The following HAVCR1 variants were observed in gnomAD, a reference collection of about 807,000 sequenced individuals.
The protein encoded by HAVCR1 is hepatitis A virus cellular receptor 1.
In HAVCR1, 34 loss-of-function variants were observed where a neutral mutation model predicts 32.0. The observed-to-expected ratio is 1.06, with a 90% confidence interval of 0.81 to 1.42. The LOEUF (loss-of-function observed/expected upper bound fraction) is 1.42. Ranked by LOEUF, HAVCR1 falls within the 40% of genes most tolerant of loss-of-function variation. The pLI is 0.00. For synonymous variants in HAVCR1, 178 were observed against 170.3 expected (o/e 1.05, Z -0.35); for missense variants, 420 against 442.3 (o/e 0.95, Z 0.45).
chr5:157,044,709 A>G (rs1755271673), intron 5 of HAVCR1, among the ~76,000 whole-genome samples: 1 of 150,666 alleles, frequency 6.6e-6, no homozygotes, highest in African/African-American at 2.4e-5. Flanking sequence ...AGGAAGGAGA[A>G]AAGAAAGCCA....
intron 2 of HAVCR1, among the ~76,000 whole-genome samples, chr5:157,056,642 A>G (rs1477398989): frequency 2.0e-5 from 3 of 151,766 alleles, no homozygotes; most frequent in African/African-American, 4.8e-5. Flanking sequence ...GGCCTCCCAA[A>G]GTGCTGGGAT....
At chr5:157,044,615 GAGAAAGAAAGAA>G (rs1554090477) in intron 5 of HAVCR1, among the ~76,000 whole-genome samples, 1,173 of 52,556 alleles carry the variant, frequency 0.022, 29 homozygotes, top group Non-Finnish European at 0.036. Flanking sequence ...AAGAAAGAAA[GAGAAAGAAAGAA>G]AGAAAGAAAG....
chr5:157,029,929 G>T, intron 8 of HAVCR1, 88 bp from the exon 9 acceptor site: 1 of 1,041,156 alleles, frequency 9.6e-7, no homozygotes, highest in South Asian at 1.5e-5. Context: ...TTTATGATCA[G>T]GCAATATCAG....
At chr5:157,030,396 T>C (rs978696110) in intron 8 of HAVCR1, among the ~76,000 whole-genome samples, 17 of 152,232 alleles carry the variant, frequency 1.1e-4, no homozygotes, top group Non-Finnish European at 2.1e-4. Flanking sequence ...CTGGATGCAG[T>C]AGCTCATGCC....
At chr5:157,056,410 T>C (rs1328573329) in intron 2 of HAVCR1, among the ~76,000 whole-genome samples, 19 of 151,210 alleles carry the variant, frequency 1.3e-4, no homozygotes, top group Admixed American at 1.3e-3. Context: ...GACAGAGTCT[T>C]GCTCTGTCGC....
upstream of HAVCR1, among the ~76,000 whole-genome samples, chr5:157,063,754 T>C (rs1034934977): frequency 6.6e-6 from 1 of 151,604 alleles, no homozygotes; most frequent in Non-Finnish European, 1.5e-5. Flanking sequence ...AGGCACTGAG[T>C]TGCAATTTTA....
At chr5:157,031,875 G>C (rs1477283944) in intron 8 of HAVCR1, among the ~76,000 whole-genome samples, 1 of 151,964 alleles carries the variant, frequency 6.6e-6, no homozygotes, top group Non-Finnish European at 1.5e-5. Flanking sequence ...GTGCCTGCAA[G>C]GCTAGACAGC....
intron 6 of HAVCR1, among the ~76,000 whole-genome samples, chr5:157,042,328 G>C (rs1035816721): frequency 1.5e-4 from 23 of 151,100 alleles, no homozygotes; most frequent in Non-Finnish European, 2.8e-4. Context: ...TGTAGTCCCA[G>C]CTATTCGGGA....
intron 5 of HAVCR1, among the ~76,000 whole-genome samples, chr5:157,044,595 GAA>G (rs1491390453): frequency 1.5e-5 from 1 of 64,882 alleles, no homozygotes; most frequent in African/African-American, 1.3e-4. Context: ...AGGAAAGAAA[GAA>G]AGAAAGAAAG....
intron 7 of HAVCR1, among the ~76,000 whole-genome samples, chr5:157,036,433 C>A (rs1311537680): frequency 1.3e-5 from 2 of 152,144 alleles, no homozygotes; most frequent in African/African-American, 2.4e-5. Flanking sequence ...GAGCCACGAT[C>A]GTGCCATTGC....
intron 5 of HAVCR1, among the ~76,000 whole-genome samples, chr5:157,044,450 A>G (rs1434802099): frequency 1.6e-5 from 1 of 62,842 alleles, no homozygotes; most frequent in African/African-American, 7.7e-5. Flanking sequence ...AAAGAAAGAA[A>G]GAAAGAAAGA....
intron 5 of HAVCR1, among the ~76,000 whole-genome samples, chr5:157,046,000 T>TGTG (rs1491325864): frequency 2.0e-5 from 3 of 152,220 alleles, no homozygotes; most frequent in Non-Finnish European, 4.4e-5. Context: ...ACTGTTACGT[T>TGTG]GTGTTTTTAT....
At chr5:157,056,420 C>T (rs1057334763) in intron 2 of HAVCR1, among the ~76,000 whole-genome samples, 1 of 150,018 alleles carries the variant, frequency 6.7e-6, no homozygotes, top group African/African-American at 2.5e-5. Flanking sequence ...TGCTCTGTCG[C>T]CCAGGCTGGA....
In HAVCR1 at chr5:157,052,565, G is replaced by C. The variant is rs564537143; in HGVS notation, c.469C>G (p.Pro157Ala). ...STTVPTTTTV[P>A]MTTVPTTTVP... ...GTTGTCGTTGGAACAGTCGTCATTGGAACAGTCGTTGTCGTTGGAACAGTG... is the reference window on the plus strand; with the variant it reads ...GTTGTCGTTGGAACAGTCGTCATTGCAACAGTCGTTGTCGTTGGAACAGTG... Residue 157 changes from proline to alanine, a missense_variant, in exon 4 of 9, where the codon CCA becomes GCA. By Grantham distance (27) the Pro-to-Ala change is conservative (BLOSUM62 -1). Coordinates refer to ENST00000523175, the MANE Select transcript of HAVCR1 (RefSeq NM_001173393.3). The C allele has an allele frequency of 6.8e-6, 6 of 883,154 alleles. No homozygotes were observed. Among genetic ancestry groups the C allele is most frequent in the Non-Finnish European group, 1.0e-5 (6 of 579,448 alleles). The allele number at this position is 883,154 out of a possible 1,614,324, so 54.7% of individuals were successfully genotyped here. A position where few individuals can be genotyped will look rare whatever the true frequency, so the allele number is the denominator to read the frequency against.
intron 5 of HAVCR1, among the ~76,000 whole-genome samples, chr5:157,046,441 C>G (rs930130952): frequency 6.6e-6 from 1 of 152,158 alleles, no homozygotes; most frequent in Non-Finnish European, 1.5e-5. Context: ...TTCTACACTT[C>G]CAAGGAGCAG....
At position 157,037,465 on chromosome 5, in the gene HAVCR1, T is replaced by C; in HGVS notation, c.838-104A>G. ...CAGCCACATTTACCTGTATTGGTGC[T>C]TGGGGACTTCTGGAACATAAGGGTA... On this transcript the variant is annotated intron_variant, in intron 6 of 8. Transcript: ENST00000523175. 4.7e-6 allele frequency: 3 copies of C among 642,230 alleles called. No homozygotes were observed. In the South Asian group the frequency reaches 5.7e-5, roughly 12 times the overall value. The allele number at this position is 642,230 out of a possible 1,614,324, so 39.8% of individuals were successfully genotyped here. A position where few individuals can be genotyped will look rare whatever the true frequency, so the allele number is the denominator to read the frequency against.
chr5:157,060,155 G>A (rs1379770925), upstream of HAVCR1, among the ~76,000 whole-genome samples: 2 of 151,810 alleles, frequency 1.3e-5, no homozygotes, highest in African/African-American at 2.4e-5. Context: ...GTGAGGTAAA[G>A]GTAAATATAT....
intron 5 of HAVCR1, among the ~76,000 whole-genome samples, chr5:157,043,240 T>C (rs947612160): frequency 6.6e-6 from 1 of 152,248 alleles, no homozygotes; most frequent in African/African-American, 2.4e-5. Flanking sequence ...TTAGAAAATA[T>C]GGCAGCCACC....
At chr5:157,031,855 G>A (rs61596106) in intron 8 of HAVCR1, among the ~76,000 whole-genome samples, 3,101 of 150,900 alleles carry the variant, frequency 0.021, 91 homozygotes, top group African/African-American at 0.071. Context: ...GTCTTTAAAG[G>A]CAAATTCAAG....
Sources: gnomAD v4.1 joint callset for allele counts (sites outside exome capture counted in the v4.1 genomes callset) on GRCh38, gnomAD v4.1.1 for gene constraint, MANE v1.5 for transcripts, NCBI Gene and HGNC (gene_info 2026-07-23, HGNC 2026-07-21) for gene names.